PRKG1: variants seen among roughly 807,000 people sequenced by gnomAD.
The protein encoded by PRKG1 is cGMP-dependent protein kinase 1.
In PRKG1, 35 loss-of-function variants were observed where a neutral mutation model predicts 88.1. That is an observed-to-expected ratio of 0.40 (90% CI 0.30 to 0.53). PRKG1 has a LOEUF of 0.53. Ranked by LOEUF, PRKG1 falls within the 20% of genes least tolerant of loss-of-function variation. PRKG1 has a pLI of 0.59. For synonymous variants in PRKG1, 303 were observed against 292.5 expected, an observed-to-expected ratio of 1.04 and a Z score of -0.37; for missense variants, 540 against 839.8, an observed-to-expected ratio of 0.64 and a Z score of 4.41.
intron 3 of PRKG1, among the ~76,000 whole-genome samples, chr10:51,573,904 C>T (rs1436258063): frequency 6.6e-6 from 1 of 151,852 alleles, no homozygotes; most frequent in Non-Finnish European, 1.5e-5. Context: ...GGGTTGTAAA[C>T]CACTTCTTTA....
At chr10:51,799,103 G>GTC (rs1245212236) in intron 3 of PRKG1, among the ~76,000 whole-genome samples, 1 of 151,812 alleles carries the variant, frequency 6.6e-6, no homozygotes. Flanking sequence ...CCCTGTCTTG[G>GTC]TCTCTCTCTC....
At chr10:51,085,044 A>T (rs1394149824) in intron 1 of PRKG1, among the ~76,000 whole-genome samples, 1 of 152,210 alleles carries the variant, frequency 6.6e-6, no homozygotes, top group African/African-American at 2.4e-5. Flanking sequence ...TTTGGACTGA[A>T]AAGAAAGAAG....
At chr10:51,721,292 T>G (rs10740326) in intron 3 of PRKG1, among the ~76,000 whole-genome samples, 4 of 151,562 alleles carry the variant, frequency 2.6e-5, no homozygotes, top group Non-Finnish European at 5.9e-5. Context: ...ACCTAGCACA[T>G]TATTTTGCTG....
At chr10:52,038,344 G>T (rs369909138) in intron 5 of PRKG1, among the ~76,000 whole-genome samples, 6 of 151,546 alleles carry the variant, frequency 4.0e-5, no homozygotes, top group Admixed American at 2.0e-4. Context: ...AGGTTGGGGC[G>T]CAGAGATAAG....
chr10:51,888,802 A>G (rs576817229), intron 4 of PRKG1, among the ~76,000 whole-genome samples: 1 of 152,316 alleles, frequency 6.6e-6, no homozygotes, highest in Non-Finnish European at 1.5e-5. Flanking sequence ...AGATAATAAG[A>G]GACTCTAAAG....
intron 5 of PRKG1, among the ~76,000 whole-genome samples, chr10:52,021,862 C>G (rs1051926823): frequency 6.6e-6 from 1 of 152,118 alleles, no homozygotes; most frequent in Non-Finnish European, 1.5e-5. Context: ...GGATAAGAGT[C>G]AAGACTAGGA....
intron 9 of PRKG1, among the ~76,000 whole-genome samples, chr10:52,182,858 T>C (rs1039548751): frequency 2.0e-5 from 3 of 152,092 alleles, no homozygotes; most frequent in African/African-American, 7.2e-5. Flanking sequence ...TAGTTTGAAG[T>C]CAGGTAGTGT....
intron 2 of PRKG1, among the ~76,000 whole-genome samples, chr10:51,340,137 T>C (rs527913325): frequency 2.0e-5 from 3 of 152,258 alleles, no homozygotes; most frequent in Admixed American, 6.5e-5. Context: ...GTTGCCACTT[T>C]GTTGTGTCTA....
chr10:51,639,769 G>A (rs1433844756), intron 3 of PRKG1, among the ~76,000 whole-genome samples: 1 of 151,650 alleles, frequency 6.6e-6, no homozygotes, highest in African/African-American at 2.4e-5. Flanking sequence ...AAGTAATTGT[G>A]GTTTTTGCCA....
chr10:51,647,150 T>TTA (rs1309058586), intron 3 of PRKG1, among the ~76,000 whole-genome samples: 2 of 132,128 alleles, frequency 1.5e-5, no homozygotes, highest in Non-Finnish European at 3.2e-5. Context: ...GAGATCAAGA[T>TTA]AAAAAAAAAA....
intron 17 of PRKG1, among the ~76,000 whole-genome samples, chr10:52,291,997 T>A (rs1466383137): frequency 6.6e-6 from 1 of 152,234 alleles, no homozygotes; most frequent in Non-Finnish European, 1.5e-5. Flanking sequence ...ATTTCTCTGA[T>A]GGCCAGTGAT....
At chr10:51,895,203 G>C (rs1297841388) in intron 4 of PRKG1, among the ~76,000 whole-genome samples, 1 of 152,188 alleles carries the variant, frequency 6.6e-6, no homozygotes, top group East Asian at 1.9e-4. Flanking sequence ...ACATAGAGAA[G>C]GGCAGCGTTT....
At chr10:51,747,537 T>C (rs1355568204) in intron 3 of PRKG1, among the ~76,000 whole-genome samples, 3 of 152,152 alleles carry the variant, frequency 2.0e-5, no homozygotes, top group African/African-American at 7.2e-5. Context: ...AAGGTTTTGA[T>C]TGTGTAGGTC....
intron 3 of PRKG1, among the ~76,000 whole-genome samples, chr10:51,537,154 T>C (rs1842177631): frequency 6.6e-6 from 1 of 152,174 alleles, no homozygotes; most frequent in South Asian, 2.1e-4. Flanking sequence ...ATCATAAGAA[T>C]TTTTTATAAT....
At chr10:51,146,344 G>A (rs1403897418) in intron 1 of PRKG1, among the ~76,000 whole-genome samples, 1 of 151,858 alleles carries the variant, frequency 6.6e-6, no homozygotes, top group Admixed American at 6.6e-5. Context: ...ATGATGTTGA[G>A]CATTTTTTCA....
intron 4 of PRKG1, among the ~76,000 whole-genome samples, chr10:51,859,609 G>T (rs1589365498): frequency 6.6e-6 from 1 of 151,916 alleles, no homozygotes; most frequent in Non-Finnish European, 1.5e-5. Flanking sequence ...CTCTACCACA[G>T]ATATTCTTAC....
chr10:51,863,517 G>C (rs969052526), intron 4 of PRKG1, among the ~76,000 whole-genome samples: 1 of 152,038 alleles, frequency 6.6e-6, no homozygotes, highest in African/African-American at 2.4e-5. Context: ...GCTGTGGTTT[G>C]GTATGAATGT....
At chr10:51,500,255 C>T (rs1285427734) in intron 3 of PRKG1, among the ~76,000 whole-genome samples, 1 of 152,132 alleles carries the variant, frequency 6.6e-6, no homozygotes, top group Non-Finnish European at 1.5e-5. Context: ...TCTGGCTGTC[C>T]TTTCTGAATA....
At chr10:51,986,746 G>C (rs1844167441) in intron 5 of PRKG1, among the ~76,000 whole-genome samples, 1 of 152,196 alleles carries the variant, frequency 6.6e-6, no homozygotes, top group Admixed American at 6.5e-5. Context: ...TGTCTCACAT[G>C]CATGCAGCTT....
Sources: allele counts gnomAD v4.1 joint callset (sites outside exome capture counted in the v4.1 genomes callset), GRCh38; gene constraint gnomAD v4.1.1; transcripts MANE v1.5; gene names NCBI Gene and HGNC (gene_info 2026-07-23, HGNC 2026-07-21).